STAT4: variants seen among roughly 807,000 people sequenced by gnomAD.
The protein encoded by STAT4 is signal transducer and activator of transcription 4.
A neutral mutation model predicts 110.5 loss-of-function variants in STAT4; 42 were observed. The ratio of observed to expected loss-of-function variants is 0.38; its 90% CI spans 0.30 to 0.49. The LOEUF (loss-of-function observed/expected upper bound fraction) is 0.49, where lower values mean the gene tolerates loss of function less well. Among genes scored for constraint, STAT4 ranks in the 20% least tolerant of loss-of-function variants. The pLI, the probability that STAT4 is intolerant of heterozygous loss-of-function variation, is 0.95. For synonymous variants in STAT4, 284 were observed against 302.2 expected (o/e 0.94, Z 0.63); for missense variants, 632 against 887.9 (o/e 0.71, Z 3.66).
chr2:191,114,540 C>T lies in STAT4; in HGVS notation c.273+32073G>A, dbSNP rs182950332. 2.8e-3 allele frequency among the ~76,000 whole-genome samples: 427 copies of T among 152,296 alleles called. 1 individual carries two copies. The highest frequency in any genetic ancestry group is 2.9e-3 in the Non-Finnish European group (200 of 68,034). ...TTAAGTTTAACAGGAAGTCACAACT[C>T]TCAGTTGCATAACTTGTGTTTTCCA... On this transcript the variant is annotated intron_variant, in intron 3 of 23. Coordinates refer to ENST00000392320, the MANE Select transcript of STAT4 (RefSeq NM_003151.4).
chr2:191,066,696 A>C lies in STAT4; in HGVS notation c.545-181T>G, dbSNP rs1006447661. 1.3e-5 allele frequency among the ~76,000 whole-genome samples: 2 copies of C among 152,166 alleles called. No individual in the cohort carries two copies. Among genetic ancestry groups the C allele is most frequent in the African/African-American group, 2.4e-5 (1 of 41,442 alleles). On this transcript the variant is annotated intron_variant, in intron 6 of 23. Coordinates refer to ENST00000392320, the MANE Select transcript of STAT4 (RefSeq NM_003151.4). This position sits in a 1 kb window ranked among gnomAD's most constrained non-coding sequence, Gnocchi z 4.3. ...ATTTTGCCAGGGAGAATCACATCCA[A>C]GCATGCAAAAAAGGACCTCTTTATT...
chr2:191,071,734 A>G (rs1697160512), intron 5 of STAT4, among the ~76,000 whole-genome samples: 1 of 152,236 alleles, frequency 6.6e-6, no homozygotes, highest in African/African-American at 2.4e-5. Context: ...ACATTGATTG[A>G]AAAGCATTGC....
rs1699372755 is a variant in STAT4 at position 191,142,872 on chromosome 2, ACT to A, written c.273+3739_273+3740del. On this transcript the variant is annotated intron_variant, in intron 3 of 23. Transcript: ENST00000392320. The surrounding 1 kb of genome is among the most constrained non-coding windows in gnomAD (Gnocchi z 4.1). Reference sequence around the variant, plus strand: ...ACAGGAGATTTTCAGGGGCCATGAAACTCTCTAGTATGATATTGTAATGGTAG... The same window carrying A: ...ACAGGAGATTTTCAGGGGCCATGAAACTCTAGTATGATATTGTAATGGTAG... 6.6e-6 allele frequency among the ~76,000 whole-genome samples: 1 copy of A among 152,020 alleles called. No homozygotes were observed.
chr2:191,086,317 A>G lies in STAT4; in HGVS notation c.274-9992T>C, dbSNP rs1489702243. Reference sequence around the variant, plus strand: ...CCCGGGAACCTCATAGGACCTCAAGAAGAGAGGAATTCACCCAATTCATAC... The same window carrying G: ...CCCGGGAACCTCATAGGACCTCAAGGAGAGAGGAATTCACCCAATTCATAC... On this transcript the variant is annotated intron_variant, in intron 3 of 23. Coordinates refer to ENST00000392320, the MANE Select transcript of STAT4 (RefSeq NM_003151.4). The surrounding 1 kb of genome is among the most constrained non-coding windows in gnomAD (Gnocchi z 5.5). 6.6e-6 allele frequency among the ~76,000 whole-genome samples: 1 copy of G among 152,152 alleles called. No homozygotes were observed. The highest frequency in any genetic ancestry group is 1.5e-5 in the Non-Finnish European group (1 of 68,020).
In STAT4 at chr2:191,097,302, G is replaced by A. The variant is rs56033611; in HGVS notation, c.274-20977C>T. Among the ~76,000 whole-genome samples the A allele has an allele frequency of 4.3e-3, 653 of 152,164 alleles. 6 individuals carry two copies. The highest frequency in any genetic ancestry group is 0.015 in the African/African-American group (606 of 41,506). On this transcript the variant is annotated intron_variant, in intron 3 of 23. Transcript: ENST00000392320. ...TTTTTATGGAACCAAAAAAGAGCCC[G>A]CATTGCCAAGTCAATCCTAAACAAA...
intron 3 of STAT4, among the ~76,000 whole-genome samples, chr2:191,094,726 ACT>A (rs1325634066): frequency 6.6e-6 from 1 of 152,128 alleles, no homozygotes; most frequent in African/African-American, 2.4e-5. Flanking sequence ...ACAGGATCAA[ACT>A]CACACATAAC....
intron 3 of STAT4, among the ~76,000 whole-genome samples, chr2:191,124,394 G>A (rs1194478502): frequency 6.9e-6 from 1 of 145,534 alleles, no homozygotes; most frequent in South Asian, 2.2e-4. Context: ...GAAGGAGGTT[G>A]CAGTGAGCCG....
At chr2:191,130,082 T>C (rs1242599089) in intron 3 of STAT4, among the ~76,000 whole-genome samples, 1 of 152,174 alleles carries the variant, frequency 6.6e-6, no homozygotes, top group Non-Finnish European at 1.5e-5. Context: ...GTTTCAATCT[T>C]GTATAATAAC....
Position 191,135,668 on chromosome 2 carries a change from A to T in STAT4, c.273+10945T>A, listed in dbSNP as rs528983337. Among the ~76,000 whole-genome samples, 2 of 152,124 alleles carry T rather than the reference A, an allele frequency of 1.3e-5. No individual in the cohort carries two copies. Among genetic ancestry groups the T allele is most frequent in the South Asian group, 4.1e-4 (2 of 4,828 alleles). On this transcript the variant is annotated intron_variant, in intron 3 of 23. Transcript: ENST00000392320. The surrounding 1 kb of genome is among the most constrained non-coding windows in gnomAD (Gnocchi z 4.8). The stretch of plus-strand genomic sequence containing the variant: ...TTTTTAGTAGAGACAGGGTTTCACC[A>T]TGTTGGCTGCACTGGTCTCAAACTC...
chr2:191,062,629 G>T lies in STAT4; in HGVS notation c.941+133C>A. 2.2e-6 allele frequency: 2 copies of T among 890,104 alleles called. No individual in the cohort carries two copies. The highest frequency in any genetic ancestry group is 1.7e-5 in the South Asian group (1 of 58,460). The allele number at this position is 890,104 out of a possible 1,614,324, so 55.1% of individuals were successfully genotyped here. On this transcript the variant is annotated intron_variant, in intron 9 of 23. Transcript: ENST00000392320. This position sits in a 1 kb window ranked among gnomAD's most constrained non-coding sequence, Gnocchi z 4.9. ...GAAATGTGGTTTCTAAAACTTTCTG[G>T]GGTTCTATTCACTTCTCCCTGAGGC... is the stretch of plus-strand genomic sequence containing the variant.
At chr2:191,052,688 C>A (rs1237337023) in intron 14 of STAT4, among the ~76,000 whole-genome samples, 1 of 131,468 alleles carries the variant, frequency 7.6e-6, no homozygotes, top group African/African-American at 3.0e-5. Flanking sequence ...GATGCTTAGT[C>A]TGTTCAGATT....
At chr2:191,103,131 T>C (rs1698187531) in intron 3 of STAT4, among the ~76,000 whole-genome samples, 1 of 152,228 alleles carries the variant, frequency 6.6e-6, no homozygotes, top group Admixed American at 6.5e-5. Context: ...CACAGTTTCC[T>C]GGAAATCCTT....
Position 191,031,243 on chromosome 2 carries a change from T to C in STAT4, c.2112-163A>G, listed in dbSNP as rs573928222. 42 of 881,962 alleles carry C rather than the reference T, an allele frequency of 4.8e-5. No individual in the cohort carries two copies. Among genetic ancestry groups the C allele is most frequent in the Admixed American group, 1.7e-4 (6 of 36,046 alleles). The allele number at this position is 881,962 out of a possible 1,614,324, so 54.6% of individuals were successfully genotyped here. ...AGAACACTCAACTTACTGTGGCATA[T>C]ATGGCATATAAAAGGGGAATTTTAT... is the stretch of plus-strand genomic sequence containing the variant. On this transcript the variant is annotated intron_variant, in intron 22 of 23. Transcript: ENST00000392320. This position sits in a 1 kb window ranked among gnomAD's most constrained non-coding sequence, Gnocchi z 4.8.
In STAT4 at chr2:191,041,109, A is replaced by G; in HGVS notation, c.1291T>C (p.Phe431Leu). 6.7e-7 allele frequency: 1 copy of G among 1,493,226 alleles called. No individual in the cohort carries two copies. Among genetic ancestry groups the G allele is most frequent in the South Asian group, 1.4e-5 (1 of 70,252 alleles). The allele number at this position is 1,493,226 out of a possible 1,614,324, so 92.5% of individuals were successfully genotyped here. A position where few individuals can be genotyped will look rare whatever the true frequency, so the allele number is the denominator to read the frequency against. Residue 431 changes from phenylalanine to leucine, a missense_variant, in exon 15 of 24, where the codon TTT (phenylalanine) becomes CTT (leucine). This residue lies in a region of STAT4 where 488 missense variants were observed against 632.8 expected (regional missense o/e 0.77). Transcript: ENST00000392320. Reference sequence around the variant, plus strand: ...CCATAGAGGCAGATCTGTGTTTCAAACGTTATGGAATGAAGTTCTTCAGTC... The same window carrying G: ...CCATAGAGGCAGATCTGTGTTTCAAGCGTTATGGAATGAAGTTCTTCAGTC... ...MVTEELHSIT[F>L]ETQICLYGLT... is the part of the protein sequence containing the mutation.
upstream of STAT4, chr2:191,151,280 A>G (rs569340142): frequency 3.0e-6 from 3 of 985,494 alleles, no homozygotes; most frequent in African/African-American, 5.2e-5. This position sits in a 1 kb window ranked among gnomAD's most constrained non-coding sequence, Gnocchi z 4.7. Flanking sequence ...CGGGGCATAC[A>G]TTTTCTTCAG....
rs1251095516 is a variant in STAT4 at position 191,039,945 on chromosome 2, T to C, written c.1336-648A>G. ...CCCAATAACAGACATCAGATTCCTG[T>C]AGATGGTAAAATACCCATTTGAGGA... On this transcript the variant is annotated intron_variant, in intron 15 of 23. Coordinates refer to ENST00000392320, the MANE Select transcript of STAT4 (RefSeq NM_003151.4). The surrounding 1 kb of genome is among the most constrained non-coding windows in gnomAD (Gnocchi z 4.7). Among the ~76,000 whole-genome samples, 1 of 152,224 alleles carries C rather than the reference T, an allele frequency of 6.6e-6. No individual in the cohort carries two copies. Among genetic ancestry groups the C allele is most frequent in the Non-Finnish European group, 1.5e-5 (1 of 68,044 alleles).
chr2:191,065,911 GA>G (rs1696974140), intron 7 of STAT4, among the ~76,000 whole-genome samples: 1 of 152,148 alleles, frequency 6.6e-6, no homozygotes, highest in East Asian at 1.9e-4. Context: ...CATTAAACCA[GA>G]AAAAAAGTTC....
In STAT4 at chr2:191,091,455, T is replaced by C. The variant is rs1343192481; in HGVS notation, c.274-15130A>G. On this transcript the variant is annotated intron_variant, in intron 3 of 23. Coordinates refer to ENST00000392320, the MANE Select transcript of STAT4 (RefSeq NM_003151.4). The surrounding 1 kb of genome is among the most constrained non-coding windows in gnomAD (Gnocchi z 5.4). ...TGAGAAGACACATTAAAAACATAAA[T>C]TCTAAATGTGAGAGACTTGTTATTA... 1.3e-5 allele frequency among the ~76,000 whole-genome samples: 2 copies of C among 152,200 alleles called. No homozygotes were observed. Among genetic ancestry groups the C allele is most frequent in the Non-Finnish European group, 2.9e-5 (2 of 68,040 alleles).
intron 3 of STAT4, among the ~76,000 whole-genome samples, chr2:191,092,682 C>T (rs1173551533): frequency 5.3e-5 from 8 of 152,144 alleles, no homozygotes; most frequent in Non-Finnish European, 1.2e-4. Flanking sequence ...TGGTTCATCT[C>T]ATTGGGACTG....
Sources: allele counts gnomAD v4.1 joint callset (sites outside exome capture counted in the v4.1 genomes callset), GRCh38; gene constraint gnomAD v4.1.1; regional missense constraint gnomAD v4.1.1; non-coding constraint Gnocchi (gnomAD v3.1); transcripts MANE v1.5; gene names NCBI Gene and HGNC (gene_info 2026-07-23, HGNC 2026-07-21).